WASHC5: variants seen among roughly 807,000 people sequenced by gnomAD.
WASHC5 encodes WASH complex subunit strumpellin.
In WASHC5, 101 loss-of-function variants were observed where a neutral mutation model predicts 150.4. The observed-to-expected ratio is 0.67, with a 90% CI of 0.57 to 0.79. The LOEUF (loss-of-function observed/expected upper bound fraction) is 0.79, where lower values mean the gene tolerates loss of function less well. Ranked by LOEUF, WASHC5 falls within the 30% of genes least tolerant of loss-of-function variation. The pLI, the probability that WASHC5 is intolerant of heterozygous loss-of-function variation, is 0.00. For synonymous variants in WASHC5, 467 were observed against 491.2 expected (o/e 0.95, Z 0.65); for missense variants, 1,195 against 1,396.3 (o/e 0.86, Z 2.30).
chr8:125,044,756 T>C (rs543017599), intron 20 of WASHC5, 58 bp from the exon 21 acceptor site: 20 of 1,549,920 alleles, frequency 1.3e-5, no homozygotes, highest in Non-Finnish European at 1.8e-5. Flanking sequence ...CTTAAAGAGA[T>C]GTTAGGACTC....
At chr8:125,072,239 G>A (rs113538191) in intron 9 of WASHC5, among the ~76,000 whole-genome samples, 9,640 of 151,186 alleles carry the variant, frequency 0.064, 449 homozygotes, top group Non-Finnish European at 0.09. Context: ...AGCTGCTTGC[G>A]GGGATTGCGG....
chr8:125,059,751 G>T (rs1816534303), intron 12 of WASHC5, among the ~76,000 whole-genome samples: 1 of 152,136 alleles, frequency 6.6e-6, no homozygotes, highest in South Asian at 2.1e-4. Flanking sequence ...TGCTTATTGT[G>T]TATATCACAA....
chr8:125,081,729 T>C lies in WASHC5; in HGVS notation c.450A>G (p.Leu150=), dbSNP rs778468473. The C allele has an allele frequency of 3.1e-6, 5 of 1,612,092 alleles. No individual in the cohort carries two copies. The East Asian group carries it at 6.7e-5, about 22-fold the overall frequency. The part of the protein sequence containing the change: ...CEALYLYGVM[L]LVIDQKIEGE... The stretch of plus-strand genomic sequence containing the variant: ...CTTCAATCTTTTGGTCAATGACCAG[T>C]AGCATAACTCCATATAAGTACAGTG... Residue 150 remains leucine (L), a synonymous_variant, in exon 5 of 29, where the codon CTA becomes CTG. Coordinates refer to ENST00000318410, the MANE Select transcript of WASHC5 (RefSeq NM_014846.4).
chr8:125,051,520 T>A (rs1228429042), intron 17 of WASHC5, among the ~76,000 whole-genome samples: 2 of 152,194 alleles, frequency 1.3e-5, no homozygotes, highest in African/African-American at 4.8e-5. Flanking sequence ...GATCGTTCAA[T>A]CAGGGAAATC....
chr8:125,049,774 G>A (rs888374787), intron 18 of WASHC5, among the ~76,000 whole-genome samples: 1 of 151,950 alleles, frequency 6.6e-6, no homozygotes, highest in African/African-American at 2.4e-5. Flanking sequence ...CCAGGAGGCA[G>A]AGGTTGCAGT....
intron 15 of WASHC5, among the ~76,000 whole-genome samples, chr8:125,057,179 AC>A (rs1254996628): frequency 2.6e-4 from 39 of 152,332 alleles, no homozygotes; most frequent in African/African-American, 9.1e-4. Context: ...ATTTATTAAA[AC>A]GAGAATCAAA....
At chr8:125,048,967 T>C (rs775651538) in intron 19 of WASHC5, 39 bp downstream of exon 19, 23 of 1,519,392 alleles carry the variant, frequency 1.5e-5, no homozygotes, top group Non-Finnish European at 2.1e-5. Flanking sequence ...ACATGAGAAA[T>C]AACAAATATA....
chr8:125,039,908 A>C lies in WASHC5; in HGVS notation c.2851-10T>G. 3 of 1,582,586 alleles carry C rather than the reference A, an allele frequency of 1.9e-6. No individual in the cohort carries two copies. The highest frequency in any genetic ancestry group is 2.6e-6 in the Non-Finnish European group (3 of 1,152,382). On this transcript the variant is annotated splice_polypyrimidine_tract_variant and intron_variant, in intron 23 of 28. Coordinates refer to ENST00000318410, the MANE Select transcript of WASHC5 (RefSeq NM_014846.4). ...TCTGCATCTGCCCAACCTGTGCACA[A>C]GCAAGAGAAAGAACAGGTAGTGCAT...
intron 17 of WASHC5, among the ~76,000 whole-genome samples, 156 bp from the exon 18 acceptor site, chr8:125,050,821 C>T (rs893194691): frequency 6.6e-6 from 1 of 152,176 alleles, no homozygotes; most frequent in Non-Finnish European, 1.5e-5. Flanking sequence ...TGTGATCTTG[C>T]ACAGCTTGGA....
At chr8:125,051,603 G>A (rs567689209) in intron 17 of WASHC5, among the ~76,000 whole-genome samples, 1 of 152,326 alleles carries the variant, frequency 6.6e-6, no homozygotes, top group East Asian at 1.9e-4. Context: ...AGAAAGGAAG[G>A]AGGGCCGGGC....
chr8:125,034,125 C>T, intron 26 of WASHC5, among the ~76,000 whole-genome samples: 1 of 151,998 alleles, frequency 6.6e-6, no homozygotes. Context: ...GGCCAATAAG[C>T]ACATGAAAAA....
At chr8:125,035,546 A>C (rs937280172) in intron 26 of WASHC5, among the ~76,000 whole-genome samples, 2 of 152,226 alleles carry the variant, frequency 1.3e-5, no homozygotes, top group Admixed American at 1.3e-4. Flanking sequence ...ACCAATATAT[A>C]GAAAGGGACT....
rs550928547 is a variant in WASHC5 at position 125,041,174 on chromosome 8, A to G, written c.2851-1276T>C. Among the ~76,000 whole-genome samples, 8 of 152,362 alleles carry G rather than the reference A, an allele frequency of 5.3e-5. No homozygotes were observed. The South Asian group carries it at 1.7e-3, about 32-fold the overall frequency. ...ATGTTGTCTGCATCATAAGGTCAACAGCACACTCTAACTTTTTCTGCCTAT... is the reference window on the plus strand; with the variant it reads ...ATGTTGTCTGCATCATAAGGTCAACGGCACACTCTAACTTTTTCTGCCTAT... On this transcript the variant is annotated intron_variant, in intron 23 of 28. Coordinates refer to ENST00000318410, the MANE Select transcript of WASHC5 (RefSeq NM_014846.4).
intron 26 of WASHC5, among the ~76,000 whole-genome samples, chr8:125,035,932 T>C (rs564977303): frequency 2.0e-5 from 3 of 152,346 alleles, no homozygotes; most frequent in African/African-American, 7.2e-5. Context: ...AGTGGATTTT[T>C]AAAAATGTCA....
intron 8 of WASHC5, 64 bp downstream of exon 8, chr8:125,074,934 C>T (rs964450339): frequency 2.9e-5 from 27 of 933,400 alleles, no homozygotes; most frequent in Non-Finnish European, 4.5e-5. Flanking sequence ...ATCTACTTAG[C>T]TTATTTGCTA....
chr8:125,081,873 G>T (rs979951941), intron 4 of WASHC5, 112 bp from the exon 5 acceptor site: 1 of 737,246 alleles, frequency 1.4e-6, no homozygotes, highest in Non-Finnish European at 2.4e-6. Context: ...AAAAGTTTTA[G>T]ATTTCAAGGA....
rs1350851173 is a variant in WASHC5 at position 125,067,735 on chromosome 8, G to A, written c.1151-16C>T. ...GGGTCACAGGCTAGAAACAGGAAAA[G>A]TGTTACCTGCTTACTAAATGTGTAG... On this transcript the variant is annotated splice_polypyrimidine_tract_variant and intron_variant, in intron 9 of 28. Coordinates refer to ENST00000318410, the MANE Select transcript of WASHC5 (RefSeq NM_014846.4). 4 of 1,612,376 alleles carry A rather than the reference G, an allele frequency of 2.5e-6. No homozygotes were observed. The Admixed American group carries it at 6.7e-5, about 27-fold the overall frequency.
intron 20 of WASHC5, among the ~76,000 whole-genome samples, chr8:125,045,443 T>C (rs1035313675): frequency 3.9e-5 from 6 of 152,200 alleles, no homozygotes; most frequent in African/African-American, 1.4e-4. Context: ...ACCATTTCAA[T>C]GGTTTTCAAA....
At chr8:125,084,761 T>C (rs2130226215) in intron 1 of WASHC5, among the ~76,000 whole-genome samples, 1 of 152,338 alleles carries the variant, frequency 6.6e-6, no homozygotes, top group Admixed American at 6.5e-5. Flanking sequence ...GCTGAATACC[T>C]CTTTGCCAGG....
Sources: gnomAD v4.1 joint callset for allele counts (sites outside exome capture counted in the v4.1 genomes callset) on GRCh38, gnomAD v4.1.1 for gene constraint, MANE v1.5 for transcripts, NCBI Gene and HGNC (gene_info 2026-07-23, HGNC 2026-07-21) for gene names.